Variants in VPS13C observed in about 807,000 individuals in gnomAD.
The protein encoded by VPS13C is vacuolar protein sorting 13 homolog C, also known as intermembrane lipid transfer protein VPS13C.
A neutral mutation model predicts 456.8 loss-of-function variants in VPS13C; 358 were observed. The ratio of observed to expected loss-of-function variants is 0.78; its 90% CI spans 0.72 to 0.86. The LOEUF is 0.86. Ranked by LOEUF, VPS13C falls within the 40% of genes least tolerant of loss-of-function variation. VPS13C has a pLI of 0.00. For synonymous variants in VPS13C, 1,578 were observed against 1,486.7 expected (o/e 1.06, Z -1.41); for missense variants, 4,818 against 4,385.4 (o/e 1.10, Z -2.79).
At chr15:61,865,534 A>T (rs1444575960) in intron 81 of VPS13C, 2 of 904,412 alleles carry the variant, frequency 2.2e-6, no homozygotes, top group East Asian at 1.2e-4. Flanking sequence ...CATATAATGT[A>T]TGTATATATG....
chr15:61,856,509 A>G, intron 82 of VPS13C, 100 bp from the exon 83 acceptor site: 2 of 1,398,498 alleles, frequency 1.4e-6, no homozygotes, highest in Non-Finnish European at 9.7e-7. Flanking sequence ...GCACTTGCTT[A>G]GTAAACAATA....
chr15:61,921,979 C>T lies in VPS13C; in HGVS notation c.7030G>A (p.Glu2344Lys), dbSNP rs1179814646. ...AVWEPLIERV[E>K]GKRQWNLRLD... is the part of the protein sequence containing the mutation. ...CTTAAATTCCATTGTCTCTTCCCCT[C>T]CACTCTCTCAATCAGTGGCTCCCAG... The change falls in exon 55 of 85, where the codon GAG (glutamate) becomes AAG (lysine). Residue 2344 changes from glutamate (E) to lysine (K), a missense_variant. Glu to Lys is a moderately conservative substitution (Grantham distance 56). Transcript: ENST00000644861. 6.2e-7 allele frequency: 1 copy of T among 1,613,576 alleles called. No individual in the cohort carries two copies. The highest frequency in any genetic ancestry group is 1.7e-5 in the Admixed American group (1 of 60,012).
chr15:62,016,254 T>C (rs2047243066), intron 9 of VPS13C, among the ~76,000 whole-genome samples: 2 of 150,892 alleles, frequency 1.3e-5, no homozygotes, highest in African/African-American at 2.4e-5. Context: ...TTCACTGTCC[T>C]TAACTTTATT....
At position 61,852,944 on chromosome 15, in the gene VPS13C, T is replaced by C. The variant is rs1596255777; in HGVS notation, c.*1513A>G. 2 of 152,100 alleles carry C rather than the reference T, an allele frequency of 1.3e-5. No homozygotes were observed. The highest frequency in any genetic ancestry group is 4.8e-5 in the African/African-American group (2 of 41,418). 9.4% of individuals were successfully genotyped at this position (152,100 alleles called of 1,614,324 possible). A position where few individuals can be genotyped will look rare whatever the true frequency, so the allele number is the denominator to read the frequency against. On this transcript the variant is annotated 3_prime_UTR_variant, in exon 85 of 85. Transcript: ENST00000644861. ...AACCACTATCACACATAAACAAAAA[T>C]AGAGCAAACCAAGCGTGTCCACATC...
At chr15:61,877,111 G>T (rs547478818) in intron 74 of VPS13C, 57 bp from the exon 75 acceptor site, 1 of 1,403,630 alleles carries the variant, frequency 7.1e-7, no homozygotes, top group Non-Finnish European at 9.7e-7. Flanking sequence ...TAAAAAAAGA[G>T]ACTTAAAATT....
At chr15:61,868,129 TTA>T (rs1395078272) in intron 81 of VPS13C, among the ~76,000 whole-genome samples, 1 of 152,088 alleles carries the variant, frequency 6.6e-6, no homozygotes, top group Non-Finnish European at 1.5e-5. Flanking sequence ...GAATAGCAAT[TTA>T]TATATGTATA....
chr15:62,011,159 C>G (rs976011018), intron 12 of VPS13C, among the ~76,000 whole-genome samples: 1 of 151,930 alleles, frequency 6.6e-6, no homozygotes, highest in African/African-American at 2.4e-5. Context: ...AAAGGTGTAT[C>G]AGGGAAGATG....
intron 49 of VPS13C, among the ~76,000 whole-genome samples, chr15:61,933,277 G>GT (rs1003977959): frequency 6.6e-6 from 1 of 152,090 alleles, no homozygotes; most frequent in African/African-American, 2.4e-5. Flanking sequence ...CTCATTTTTG[G>GT]TAAGGTCATT....
intron 65 of VPS13C, 36 bp from the exon 66 acceptor site, chr15:61,907,426 C>T (rs1365991546): frequency 6.2e-7 from 1 of 1,604,574 alleles, no homozygotes; most frequent in Non-Finnish European, 8.5e-7. Context: ...ATCAGAATAT[C>T]TTGGAGATAA....
intron 82 of VPS13C, among the ~76,000 whole-genome samples, chr15:61,860,953 CTTTTTTTTTTTT>C (rs781045840): frequency 6.4e-4 from 57 of 89,696 alleles, no homozygotes; most frequent in African/African-American, 2.2e-3. Flanking sequence ...TATTTTCTTT[CTTTTTTTTTTTT>C]TTTTTTTTTT....
At chr15:61,962,900 TA>T in intron 32 of VPS13C, 48 bp from the exon 33 acceptor site, 2 of 1,320,324 alleles carry the variant, frequency 1.5e-6, no homozygotes, top group Non-Finnish European at 2.1e-6. Flanking sequence ...CTACCATAAA[TA>T]AGATCTTTCT....
At chr15:61,950,306 GC>G (rs1200794400) in intron 41 of VPS13C, 51 bp downstream of exon 41, 5 of 1,330,606 alleles carry the variant, frequency 3.8e-6, no homozygotes, top group Non-Finnish European at 5.4e-6. Context: ...TGGCTATGAA[GC>G]TAGATATAAT....
At position 62,007,428 on chromosome 15, in the gene VPS13C, T is replaced by C. The variant is rs746697271; in HGVS notation, c.1170A>G (p.Thr390=). ...SVLEVHIRRY[T]QMWSWSNIKK... ...TTATGTTACTCCATGACCACATCTGTGTATACCTTCTTATATGAACTTCAA... is the reference window on the plus strand; with the variant it reads ...TTATGTTACTCCATGACCACATCTGCGTATACCTTCTTATATGAACTTCAA... The change falls in exon 15 of 85, where the codon ACA becomes ACG. Residue 390 remains threonine (T), a synonymous_variant. Coordinates refer to ENST00000644861, the MANE Select transcript of VPS13C (RefSeq NM_020821.3). 2.5e-6 allele frequency: 4 copies of C among 1,609,424 alleles called. No individual in the cohort carries two copies. The South Asian group carries it at 3.4e-5, about 13-fold the overall frequency.
chr15:62,035,162 C>A, intron 3 of VPS13C, 110 bp from the exon 4 acceptor site: 1 of 546,194 alleles, frequency 1.8e-6, no homozygotes, highest in South Asian at 4.1e-5. Flanking sequence ...ATGGTATGTA[C>A]ATCACTCAGA....
chr15:62,018,101 G>A (rs1359702654), intron 9 of VPS13C, among the ~76,000 whole-genome samples: 2 of 152,112 alleles, frequency 1.3e-5, no homozygotes, highest in African/African-American at 4.8e-5. Context: ...TGTTATTGGT[G>A]TATAAGAATG....
chr15:61,947,353 A>G (rs113403713), intron 42 of VPS13C, 44 bp from the exon 43 acceptor site: 24 of 1,394,036 alleles, frequency 1.7e-5, no homozygotes, highest in Non-Finnish European at 2.4e-5. Context: ...GGGAAAAGAT[A>G]ATACAACACA....
Position 61,890,167 on chromosome 15 carries a change from G to A in VPS13C, c.9339C>T (p.Thr3113=). Residue 3113 remains threonine (T), a splice_region_variant and synonymous_variant, in exon 67 of 85, where the codon ACC becomes ACT. Coordinates refer to ENST00000644861, the MANE Select transcript of VPS13C (RefSeq NM_020821.3). The part of the protein sequence containing the change: ...SKQEVSYIGI[T]SSGVVWEVKP... ...GTCTTATTTTCCTTCTTGCATACCT[G>A]GTTATCCCAATATAGGAAACTTCCT... 1.2e-6 allele frequency: 2 copies of A among 1,613,646 alleles called. No homozygotes were observed. The highest frequency in any genetic ancestry group is 1.7e-6 in the Non-Finnish European group (2 of 1,179,772).
chr15:61,996,354 C>T (rs1596448701), intron 16 of VPS13C, among the ~76,000 whole-genome samples: 1 of 152,152 alleles, frequency 6.6e-6, no homozygotes, highest in African/African-American at 2.4e-5. Context: ...AGATTCATAA[C>T]TTAACTAGGT....
chr15:61,894,867 C>T (rs2042760289), intron 66 of VPS13C, among the ~76,000 whole-genome samples: 1 of 152,182 alleles, frequency 6.6e-6, no homozygotes, highest in African/African-American at 2.4e-5. Context: ...TGGAGTTAAA[C>T]TACACTTTAG....
Sources: gnomAD v4.1 joint callset for allele counts (sites outside exome capture counted in the v4.1 genomes callset) on GRCh38, gnomAD v4.1.1 for gene constraint, MANE v1.5 for transcripts, NCBI Gene and HGNC (gene_info 2026-07-23, HGNC 2026-07-21) for gene names.